Variants in OPCML observed in about 807,000 individuals in gnomAD.
OPCML encodes the protein opioid binding protein/cell adhesion molecule like.
Under a neutral mutation model 37.8 loss-of-function variants are expected in OPCML, and 13 were observed. The observed-to-expected ratio is 0.34, with a 90% confidence interval of 0.22 to 0.55. The LOEUF (loss-of-function observed/expected upper bound fraction) is 0.55, where lower values mean the gene tolerates loss of function less well. Among genes scored for constraint, OPCML ranks in the 20% least tolerant of loss-of-function variants. OPCML has a pLI of 0.91. For missense variants in OPCML, 341 were observed against 435.6 expected, an observed-to-expected ratio of 0.78 and a Z score of 1.93; for synonymous variants, 176 against 168.8, an observed-to-expected ratio of 1.04 and a Z score of -0.33.
intron 2 of OPCML, among the ~76,000 whole-genome samples, chr11:132,834,490 T>TC (rs1318960190): frequency 6.6e-6 from 1 of 152,188 alleles, no homozygotes; most frequent in Non-Finnish European, 1.5e-5. Flanking sequence ...GCCATGCCCC[T>TC]CTGAAGCCTC....
intron 1 of OPCML, among the ~76,000 whole-genome samples, chr11:133,318,140 A>G (rs1943247947): frequency 6.6e-6 from 1 of 152,114 alleles, no homozygotes; most frequent in South Asian, 2.1e-4. Context: ...TCTCCATCAC[A>G]CGCTTTGTGC....
intron 2 of OPCML, among the ~76,000 whole-genome samples, chr11:132,901,543 A>G (rs1256822358): frequency 1.3e-5 from 2 of 152,280 alleles, no homozygotes; most frequent in East Asian, 3.9e-4. Flanking sequence ...AGACGATGAC[A>G]TGGAGGCAGG....
intron 2 of OPCML, among the ~76,000 whole-genome samples, chr11:132,871,126 A>G (rs1942778597): frequency 6.6e-6 from 1 of 152,116 alleles, no homozygotes; most frequent in South Asian, 2.1e-4. Context: ...CCATTCCACA[A>G]TGTATATGTA....
intron 1 of OPCML, among the ~76,000 whole-genome samples, chr11:133,435,538 AATTGTAAC>A: frequency 6.6e-6 from 1 of 152,194 alleles, no homozygotes; most frequent in South Asian, 2.1e-4. Flanking sequence ...CCATTTGTGG[AATTGTAAC>A]AAATAAATAA....
At chr11:132,634,974 G>A (rs1220145950) in intron 3 of OPCML, among the ~76,000 whole-genome samples, 4 of 151,940 alleles carry the variant, frequency 2.6e-5, no homozygotes, top group Non-Finnish European at 4.4e-5. Context: ...AGCTGCAGAG[G>A]AGCTCATGCT....
At chr11:133,306,424 AT>A (rs764686646) in intron 1 of OPCML, among the ~76,000 whole-genome samples, 28 of 152,322 alleles carry the variant, frequency 1.8e-4, no homozygotes, top group Non-Finnish European at 4.0e-4. Context: ...TTGAATAATG[AT>A]TTGACGCGGT....
intron 1 of OPCML, among the ~76,000 whole-genome samples, chr11:133,384,353 C>G (rs1393599183): frequency 6.6e-6 from 1 of 151,958 alleles, no homozygotes; most frequent in Non-Finnish European, 1.5e-5. Flanking sequence ...GTCAACCTCT[C>G]CCTTCCAAGC....
chr11:133,394,976 T>A (rs1013189183), intron 1 of OPCML, among the ~76,000 whole-genome samples: 9 of 152,254 alleles, frequency 5.9e-5, no homozygotes, highest in Admixed American at 5.9e-4. Context: ...GTTGTACTAA[T>A]TTACATTCCC....
chr11:133,419,814 C>CA (rs1176752768), intron 1 of OPCML, among the ~76,000 whole-genome samples: 2 of 152,212 alleles, frequency 1.3e-5, no homozygotes, highest in South Asian at 2.1e-4. Flanking sequence ...GTGAATAGCA[C>CA]AAAAAATTCA....
chr11:132,613,180 A>T (rs1460782048), intron 3 of OPCML, among the ~76,000 whole-genome samples: 1 of 152,132 alleles, frequency 6.6e-6, no homozygotes, highest in African/African-American at 2.4e-5. Flanking sequence ...GCCTCCTAAG[A>T]CTAGGCCGAT....
rs576908876 is a variant in OPCML at position 133,275,038 on chromosome 11, C to T, written c.61+257226G>A. Among the ~76,000 whole-genome samples the T allele has an allele frequency of 3.3e-5, 5 of 152,088 alleles. No individual in the cohort carries two copies. In the South Asian group the frequency reaches 1.0e-3, roughly 32 times the overall value. On this transcript the variant is annotated intron_variant, in intron 1 of 7. Coordinates refer to ENST00000524381, the MANE Select transcript of OPCML (RefSeq NM_001012393.5). ...TTAGATGAACATTTTTGGGTCTGGC[C>T]ACAATTAACAATTAAATTGATTTAC...
At chr11:133,433,501 A>T (rs966264595) in intron 1 of OPCML, among the ~76,000 whole-genome samples, 1 of 152,158 alleles carries the variant, frequency 6.6e-6, no homozygotes, top group Non-Finnish European at 1.5e-5. Context: ...AAAATTGTGG[A>T]AATGTTAGCG....
chr11:132,633,671 A>T (rs1027820600), intron 3 of OPCML, among the ~76,000 whole-genome samples: 17 of 152,082 alleles, frequency 1.1e-4, no homozygotes, highest in African/African-American at 4.1e-4. Context: ...ATCCTTCCAC[A>T]AACCTGATCA....
intron 7 of OPCML, among the ~76,000 whole-genome samples, chr11:132,429,028 G>A (rs2095987302): frequency 7.5e-6 from 1 of 133,656 alleles, no homozygotes; most frequent in South Asian, 3.1e-4. Context: ...TAGATGAATG[G>A]ATGGAGGGAT....
chr11:132,781,952 ATATTTT>A (rs1267585889), intron 2 of OPCML, among the ~76,000 whole-genome samples: 6 of 60,374 alleles, frequency 9.9e-5, no homozygotes, highest in African/African-American at 3.5e-4. Flanking sequence ...ATATATATAT[ATATTTT>A]TTTTTTTTTT....
chr11:133,171,372 CA>C (rs1408997945), intron 1 of OPCML, among the ~76,000 whole-genome samples: 2 of 152,192 alleles, frequency 1.3e-5, no homozygotes, highest in Non-Finnish European at 2.9e-5. Context: ...ATCCGCTCCA[CA>C]GTCTAAAAGT....
intron 7 of OPCML, among the ~76,000 whole-genome samples, chr11:132,425,337 C>G (rs915496274): frequency 6.6e-6 from 1 of 152,182 alleles, no homozygotes; most frequent in Non-Finnish European, 1.5e-5. Flanking sequence ...AAATCCCTTT[C>G]ATCTCAGGAA....
At chr11:133,070,428 A>G (rs1372567471) in intron 1 of OPCML, among the ~76,000 whole-genome samples, 1 of 152,130 alleles carries the variant, frequency 6.6e-6, no homozygotes, top group African/African-American at 2.4e-5. Flanking sequence ...TCAAGATTTC[A>G]TAATCTCTAC....
chr11:132,681,287 C>T (rs1337543857), intron 2 of OPCML, among the ~76,000 whole-genome samples: 4 of 152,172 alleles, frequency 2.6e-5, no homozygotes, highest in Non-Finnish European at 5.9e-5. Context: ...TTGCCTTTTC[C>T]AAAACCATCC....
Sources: allele counts gnomAD v4.1 joint callset (sites outside exome capture counted in the v4.1 genomes callset), GRCh38; gene constraint gnomAD v4.1.1; transcripts MANE v1.5; gene names NCBI Gene and HGNC (gene_info 2026-07-23, HGNC 2026-07-21).